PCDHGB7: variants seen among roughly 807,000 people sequenced by gnomAD.
PCDHGB7 encodes the protein protocadherin gamma-B7.
PCDHGB7 carries 37 observed loss-of-function variants against 61.4 expected under a neutral mutation model. The ratio of observed to expected loss-of-function variants is 0.60; its 90% confidence interval spans 0.46 to 0.79. PCDHGB7 has a LOEUF of 0.79. Ranked by LOEUF, PCDHGB7 falls within the 30% of genes least tolerant of loss-of-function variation. The probability of loss-of-function intolerance (pLI) is 0.00; values close to 1 mark genes in which losing one functional copy is unlikely to be tolerated. For missense variants in PCDHGB7, 1,166 were observed against 1,202.5 expected (o/e 0.97, Z 0.45); for synonymous variants, 464 against 503.5 (o/e 0.92, Z 1.05).
chr5:141,441,750 A>C, intron 1 of PCDHGB7: 1 of 374,962 alleles, frequency 2.7e-6, no homozygotes, highest in South Asian at 2.1e-5. Context: ...GCTCGGCGTC[A>C]ACGTGAGCCT....
Position 141,511,983 on chromosome 5 carries a change from G to C in PCDHGB7, c.*810G>C, listed in dbSNP as rs904146751. On this transcript the variant is annotated 3_prime_UTR_variant, in exon 4 of 4. Coordinates refer to ENST00000398594, the MANE Select transcript of PCDHGB7 (RefSeq NM_018927.4). ...AGGGAAGTGTGTGGATGTGGATGGT[G>C]GGGGCATGGACAAAGCTTGACACAT... 6.5e-6 allele frequency: 1 copy of C among 153,280 alleles called. No individual in the cohort carries two copies. The allele number at this position is 153,280 out of a possible 1,614,324, so 9.5% of individuals were successfully genotyped here.
At chr5:141,483,222 C>A (rs1011389295) in intron 1 of PCDHGB7, among the ~76,000 whole-genome samples, 4 of 152,078 alleles carry the variant, frequency 2.6e-5, no homozygotes, top group African/African-American at 9.7e-5. Context: ...ACAGTCACTG[C>A]AGAAATTTGA....
intron 1 of PCDHGB7, chr5:141,430,690 G>A: frequency 1.4e-6 from 2 of 1,410,426 alleles, no homozygotes; most frequent in Non-Finnish European, 1.9e-6. Flanking sequence ...CCCATTCTAT[G>A]GGCGAAGGAA....
chr5:141,478,520 G>A, intron 1 of PCDHGB7: 1 of 1,610,510 alleles, frequency 6.2e-7, no homozygotes, highest in Non-Finnish European at 8.5e-7. Context: ...GCAGGTGTTG[G>A]GTGCAGAGAG....
rs1458508114 is a variant in PCDHGB7, at chr5:141,489,523, C to T, written c.2416-5284C>T. ...GAATCAAAAGATTGACCGAGAAAGC[C>T]TATGTGGAGCCAGCACCAGCTGCCT... On this transcript the variant is annotated intron_variant, in intron 1 of 3. Transcript: ENST00000398594. This position sits in a 1 kb window ranked among gnomAD's most constrained non-coding sequence, Gnocchi z 4.5. The T allele has an allele frequency of 3.5e-5, 56 of 1,614,006 alleles. No homozygotes were observed. The highest frequency in any genetic ancestry group is 4.5e-5 in the Non-Finnish European group (53 of 1,180,044).
At position 141,487,074 on chromosome 5, in the gene PCDHGB7, T is replaced by C; in HGVS notation, c.2416-7733T>C. The C allele has an allele frequency of 6.2e-7, 1 of 1,614,104 alleles. No homozygotes were observed. The highest frequency in any genetic ancestry group is 8.5e-7 in the Non-Finnish European group (1 of 1,179,978). Reference sequence around the variant, plus strand: ...GGGGAGGTGCGGACGGCTGTTCCTATCCCAGCTGACCTCCCACCACAGAAG... The same window carrying C: ...GGGGAGGTGCGGACGGCTGTTCCTACCCCAGCTGACCTCCCACCACAGAAG... On this transcript the variant is annotated intron_variant, in intron 1 of 3. Transcript: ENST00000398594. The surrounding 1 kb of genome is among the most constrained non-coding windows in gnomAD (Gnocchi z 5.0).
chr5:141,494,323 A>T (rs1188768690), intron 1 of PCDHGB7, among the ~76,000 whole-genome samples: 1 of 152,210 alleles, frequency 6.6e-6, no homozygotes, highest in Non-Finnish European at 1.5e-5. Flanking sequence ...CCTGGCACCA[A>T]AAGGGTTACC....
At chr5:141,503,010 A>AT (rs199924715) in intron 2 of PCDHGB7, among the ~76,000 whole-genome samples, 26,593 of 146,658 alleles carry the variant, frequency 0.18, 2,532 homozygotes, top group Admixed American at 0.29. Context: ...TGCCCGGTTA[A>AT]TTTTTTTTTT....
At chr5:141,428,099 C>G (rs1304120001) in intron 1 of PCDHGB7, 4 of 1,608,710 alleles carry the variant, frequency 2.5e-6, no homozygotes, top group Non-Finnish European at 2.5e-6. Flanking sequence ...TGTCCTACCA[C>G]GTGCTGCAGG....
intron 1 of PCDHGB7, among the ~76,000 whole-genome samples, chr5:141,480,704 G>A (rs545986902): frequency 8.5e-5 from 13 of 152,206 alleles, no homozygotes; most frequent in East Asian, 5.8e-4. Flanking sequence ...GCCACACCCC[G>A]ACAAATGAAA....
At chr5:141,422,333 T>C in intron 1 of PCDHGB7, 1 of 1,549,594 alleles carries the variant, frequency 6.5e-7, no homozygotes, top group Non-Finnish European at 8.7e-7. Flanking sequence ...GTGATTGCTC[T>C]TCTAAATGTG....
chr5:141,475,008 T>C (rs1292437400), intron 1 of PCDHGB7, among the ~76,000 whole-genome samples: 1 of 152,258 alleles, frequency 6.6e-6, no homozygotes, highest in Admixed American at 6.5e-5. Flanking sequence ...TGCAGAAAAG[T>C]TAAGGCTCTT....
chr5:141,432,863 T>C lies in PCDHGB7; in HGVS notation c.2415+12589T>C, dbSNP rs762979829. On this transcript the variant is annotated intron_variant, in intron 1 of 3. Coordinates refer to ENST00000398594, the MANE Select transcript of PCDHGB7 (RefSeq NM_018927.4). This position sits in a 1 kb window ranked among gnomAD's most constrained non-coding sequence, Gnocchi z 6.0. ...GGTGGTAGCGGTGGCCGCGGTCTCCTGCGTCTTCCTGGCCTTCGTCATCTT... is the reference window on the plus strand; with the variant it reads ...GGTGGTAGCGGTGGCCGCGGTCTCCCGCGTCTTCCTGGCCTTCGTCATCTT... 20 of 1,614,192 alleles carry C rather than the reference T, an allele frequency of 1.2e-5. No individual in the cohort carries two copies. Among genetic ancestry groups the C allele is most frequent in the Admixed American group, 6.7e-5 (4 of 60,032 alleles).
intron 1 of PCDHGB7, among the ~76,000 whole-genome samples, chr5:141,430,329 T>G (rs1466381565): frequency 1.3e-5 from 2 of 151,776 alleles, no homozygotes; most frequent in Non-Finnish European, 2.9e-5. Flanking sequence ...AATCATTGTT[T>G]ATAGAAACTT....
intron 1 of PCDHGB7, among the ~76,000 whole-genome samples, chr5:141,456,902 G>A (rs886945444): frequency 6.6e-6 from 1 of 152,294 alleles, no homozygotes; most frequent in South Asian, 2.1e-4. Flanking sequence ...GGCAGAGGTT[G>A]CAGTGAGCCG....
At chr5:141,468,409 A>G (rs183146641) in intron 1 of PCDHGB7, 1 of 152,230 alleles carries the variant, frequency 6.6e-6, no homozygotes, top group East Asian at 1.9e-4. Flanking sequence ...AACTAATAAT[A>G]AGTTAGATAG....
chr5:141,499,572 T>C (rs2099792782), intron 2 of PCDHGB7, among the ~76,000 whole-genome samples: 1 of 152,178 alleles, frequency 6.6e-6, no homozygotes, highest in Admixed American at 6.5e-5. Flanking sequence ...CAGCTTCAAC[T>C]AATGCCTTAT....
rs913767837 is a variant in PCDHGB7, at chr5:141,491,909, C to T, written c.2416-2898C>T. 8.5e-6 allele frequency: 12 copies of T among 1,403,834 alleles called. No individual in the cohort carries two copies. Among genetic ancestry groups the T allele is most frequent in the Non-Finnish European group, 1.1e-5 (12 of 1,057,326 alleles). 87.0% of individuals were successfully genotyped at this position (1,403,834 alleles called of 1,614,324 possible). A position where few individuals can be genotyped will look rare whatever the true frequency, so the allele number is the denominator to read the frequency against. Reference sequence around the variant, plus strand: ...GGGCTCCGAGCACCGGGGGTGGTGGCGACTGTGGGCGAGGGGAGGTGGGAC... The same window carrying T: ...GGGCTCCGAGCACCGGGGGTGGTGGTGACTGTGGGCGAGGGGAGGTGGGAC... On this transcript the variant is annotated intron_variant, in intron 1 of 3. Transcript: ENST00000398594. The surrounding 1 kb of genome is among the most constrained non-coding windows in gnomAD (Gnocchi z 6.9).
intron 1 of PCDHGB7, among the ~76,000 whole-genome samples, chr5:141,456,808 C>CA (rs1316636483): frequency 6.6e-5 from 10 of 151,878 alleles, no homozygotes; most frequent in Admixed American, 6.6e-4. Flanking sequence ...ACTAAAAATA[C>CA]AAAAAATTAG....
Sources: allele counts gnomAD v4.1 joint callset (sites outside exome capture counted in the v4.1 genomes callset), GRCh38; gene constraint gnomAD v4.1.1; non-coding constraint Gnocchi (gnomAD v3.1); transcripts MANE v1.5; gene names NCBI Gene and HGNC (gene_info 2026-07-23, HGNC 2026-07-21).